Variants in MRTFB observed in about 807,000 individuals in gnomAD.
The protein encoded by MRTFB is myocardin-related transcription factor B.
MRTFB carries 29 observed loss-of-function variants against 104.2 expected under a neutral mutation model. The observed-to-expected ratio is 0.28, with a 90% CI of 0.21 to 0.38. The LOEUF is 0.38. Among genes scored for constraint, MRTFB ranks in the 10% least tolerant of loss-of-function variants. The pLI, the probability that MRTFB is intolerant of heterozygous loss-of-function variation, is 1.00. For synonymous variants in MRTFB, 535 were observed against 519.5 expected (o/e 1.03, Z -0.41); for missense variants, 1,270 against 1,341.6 (o/e 0.95, Z 0.83).
chr16:14,186,900 C>T, intron 3 of MRTFB: 1 of 1,598,136 alleles, frequency 6.3e-7, no homozygotes, highest in Non-Finnish European at 8.5e-7. Context: ...TGCCTGTCTT[C>T]AGAAGCCTCT....
chr16:14,003,618 C>T, the MRTFB span, among the ~76,000 whole-genome samples: 64 of 23,564 alleles, frequency 2.7e-3, 1 homozygote, highest in South Asian at 0.035. Context: ...GAGCTGGGGC[C>T]GGCCGGCCTG....
At chr16:14,002,583 G>A in the MRTFB span, among the ~76,000 whole-genome samples, 27 of 152,222 alleles carry the variant, frequency 1.8e-4, 1 homozygote, top group Middle Eastern at 0.024. Flanking sequence ...ATTCTCTCAC[G>A]TACTGGTGAG....
chr16:14,076,026 A>C (rs1318798419), intron 1 of MRTFB, among the ~76,000 whole-genome samples: 1 of 152,032 alleles, frequency 6.6e-6, no homozygotes, highest in South Asian at 2.1e-4. Context: ...TTTCCTATAC[A>C]TGTCTTTTTT....
intron 2 of MRTFB, among the ~76,000 whole-genome samples, chr16:14,108,815 G>A (rs1389541400): frequency 6.6e-6 from 1 of 152,182 alleles, no homozygotes; most frequent in Non-Finnish European, 1.5e-5. Flanking sequence ...GATGATAGCA[G>A]CAACTTCACC....
At chr16:14,050,054 T>G in the MRTFB span, among the ~76,000 whole-genome samples, 3 of 152,168 alleles carry the variant, frequency 2.0e-5, no homozygotes, top group Non-Finnish European at 2.9e-5. Flanking sequence ...ATCATGATAT[T>G]GGCAACTGAT....
intron 10 of MRTFB, among the ~76,000 whole-genome samples, chr16:14,244,943 T>C (rs1211072274): frequency 2.6e-5 from 4 of 152,336 alleles, no homozygotes; most frequent in Admixed American, 6.5e-5. Flanking sequence ...GAAGATACTA[T>C]CCTGAGTGTT....
chr16:14,120,002 T>G (rs190528013), intron 2 of MRTFB, among the ~76,000 whole-genome samples: 1 of 152,322 alleles, frequency 6.6e-6, no homozygotes, highest in Non-Finnish European at 1.5e-5. Context: ...GACTTGGTAC[T>G]GTCAGACTTT....
At chr16:14,125,495 G>A (rs1400012528) in intron 2 of MRTFB, among the ~76,000 whole-genome samples, 1 of 152,356 alleles carries the variant, frequency 6.6e-6, no homozygotes, top group African/African-American at 2.4e-5. Flanking sequence ...ACCCCCAGAG[G>A]TGCTGTGCCT....
chr16:14,081,126 A>G (rs1047999234), intron 2 of MRTFB, among the ~76,000 whole-genome samples: 16 of 152,234 alleles, frequency 1.1e-4, no homozygotes, highest in African/African-American at 3.9e-4. Flanking sequence ...AATGGTGTTC[A>G]AGGGTTTCTT....
intron 10 of MRTFB, among the ~76,000 whole-genome samples, chr16:14,243,312 C>CA (rs2042859449): frequency 6.6e-6 from 1 of 152,206 alleles, no homozygotes; most frequent in African/African-American, 2.4e-5. Context: ...TAGCTAGTGA[C>CA]AAAGCCAGCA....
intron 1 of MRTFB, among the ~76,000 whole-genome samples, 154 bp downstream of exon 1, chr16:14,071,519 G>T (rs1344174848): frequency 6.6e-6 from 1 of 151,518 alleles, no homozygotes. Flanking sequence ...CGTTTGGTCC[G>T]CACCGTCCCC....
chr16:14,186,991 A>G lies in MRTFB; in HGVS notation c.155-23252A>G, dbSNP rs373868569. On this transcript the variant is annotated intron_variant, in intron 3 of 16. Coordinates refer to ENST00000571589, the MANE Select transcript of MRTFB (RefSeq NM_001308142.2). The stretch of plus-strand genomic sequence containing the variant: ...GCTGGGGATTTTGAACCATTAAAAG[A>G]AAAGGAATGCCTTGAGGGGAGCAAC... 48 of 1,597,642 alleles carry G rather than the reference A, an allele frequency of 3.0e-5. No homozygotes were observed. The African/African-American group carries it at 4.4e-4, about 15-fold the overall frequency.
At chr16:14,108,863 A>C (rs1284702813) in intron 2 of MRTFB, among the ~76,000 whole-genome samples, 2 of 152,216 alleles carry the variant, frequency 1.3e-5, no homozygotes, top group Non-Finnish European at 2.9e-5. Flanking sequence ...TCCCCTGCCG[A>C]ATACAGTAGC....
At position 14,199,181 on chromosome 16, in the gene MRTFB, T is replaced by G. The variant is rs7191140; in HGVS notation, c.155-11062T>G. On this transcript the variant is annotated intron_variant, in intron 3 of 16. Transcript: ENST00000571589. ...CAGCAGCATTTGACACACTTGATCATGCCTCCTTTAAAAACTCTTACACAC... is the reference window on the plus strand; with the variant it reads ...CAGCAGCATTTGACACACTTGATCAGGCCTCCTTTAAAAACTCTTACACAC... Among the ~76,000 whole-genome samples, 275 of 152,312 alleles carry G rather than the reference T, an allele frequency of 1.8e-3. 6 individuals are homozygous for G. The highest frequency in any genetic ancestry group is 6.8e-3 in the Middle Eastern group (2 of 294).
At chr16:14,044,747 T>C in the MRTFB span, among the ~76,000 whole-genome samples, 1 of 152,218 alleles carries the variant, frequency 6.6e-6, no homozygotes. Flanking sequence ...GACTTTGTCA[T>C]TTCAGATTTC....
At position 14,248,790 on chromosome 16, in the gene MRTFB, G is replaced by T. The variant is rs1597374440; in HGVS notation, c.2248-136G>T. 1.8e-5 allele frequency: 15 copies of T among 811,244 alleles called. No homozygotes were observed. In the South Asian group the frequency reaches 2.7e-4, roughly 14 times the overall value. The allele number at this position is 811,244 out of a possible 1,614,324, so 50.3% of individuals were successfully genotyped here. ...TTAAAGTTCAGATTTCTGTGCAGAT[G>T]AAGTGTGTATCTGTAACCTTGGTCT... On this transcript the variant is annotated intron_variant, in intron 12 of 16. Coordinates refer to ENST00000571589, the MANE Select transcript of MRTFB (RefSeq NM_001308142.2).
the MRTFB span, among the ~76,000 whole-genome samples, chr16:13,998,480 A>G: frequency 3.7e-4 from 56 of 152,134 alleles, no homozygotes; most frequent in African/African-American, 1.3e-3. Flanking sequence ...AAGACCCTCT[A>G]CAAAAATTTT....
At chr16:14,147,852 C>CATTT (rs2038399012) in intron 3 of MRTFB, among the ~76,000 whole-genome samples, 1 of 152,174 alleles carries the variant, frequency 6.6e-6, no homozygotes. Flanking sequence ...ATAATTAACA[C>CATTT]ATTTATTAAC....
At chr16:14,001,512 G>A in the MRTFB span, among the ~76,000 whole-genome samples, 14 of 152,320 alleles carry the variant, frequency 9.2e-5, no homozygotes, top group Non-Finnish European at 1.8e-4. Context: ...GGCCCGAGGT[G>A]GGTCCAGTCT....
Sources: gnomAD v4.1 joint callset for allele counts (sites outside exome capture counted in the v4.1 genomes callset) on GRCh38, gnomAD v4.1.1 for gene constraint, MANE v1.5 for transcripts, NCBI Gene and HGNC (gene_info 2026-07-23, HGNC 2026-07-21) for gene names.